Variants in CHD9 observed in about 807,000 individuals in gnomAD.
CHD9 encodes ATP-dependent chromatin remodeler CHD9.
In CHD9, 77 loss-of-function variants were observed where a neutral mutation model predicts 316.1. The observed-to-expected ratio is 0.24, with a 90% CI of 0.20 to 0.29. The LOEUF (loss-of-function observed/expected upper bound fraction) is 0.29, where lower values mean the gene tolerates loss of function less well. Ranked by LOEUF, CHD9 falls within the 10% of genes least tolerant of loss-of-function variation. The probability of loss-of-function intolerance (pLI) is 1.00; values close to 1 mark genes in which losing one functional copy is unlikely to be tolerated. For synonymous variants in CHD9, 1,129 were observed against 1,158.3 expected (o/e 0.97, Z 0.51); for missense variants, 2,763 against 3,438.1 (o/e 0.80, Z 4.91).
intron 10 of CHD9, among the ~76,000 whole-genome samples, chr16:53,234,213 G>A (rs73599623): frequency 0.032 from 4,938 of 152,152 alleles, 100 homozygotes; most frequent in Middle Eastern, 0.075. Context: ...ATGCAACCTC[G>A]CTAAAATTAC....
chr16:53,226,483 C>G lies in CHD9; in HGVS notation c.2014C>G (p.Pro672Ala). The part of the protein sequence containing the change: ...MKIKKNSAPL[P>A]GEQPLQLFVE... Reference sequence around the variant, plus strand: ...AATAAAAAAGAATTCAGCTCCTTTACCTGGTGAACAGCCTTTACAATTGTT... The same window carrying G: ...AATAAAAAAGAATTCAGCTCCTTTAGCTGGTGAACAGCCTTTACAATTGTT... The change falls in exon 5 of 39, where the codon CCT becomes GCT. Residue 672 changes from proline to alanine, a missense_variant. Pro to Ala is a conservative substitution (Grantham distance 27). Transcript: ENST00000447540. 1 of 1,605,608 alleles carries G rather than the reference C, an allele frequency of 6.2e-7. No homozygotes were observed. The highest frequency in any genetic ancestry group is 8.5e-7 in the Non-Finnish European group (1 of 1,177,936).
intron 1 of CHD9, among the ~76,000 whole-genome samples, chr16:53,130,663 T>C (rs1273467386): frequency 3.3e-5 from 5 of 151,280 alleles, no homozygotes; most frequent in Admixed American, 1.3e-4. Flanking sequence ...GCGCCAGCGA[T>C]TGGGTCGGCG....
chr16:53,226,291 C>A, intron 4 of CHD9, 75 bp from the exon 5 acceptor site: 2 of 1,032,662 alleles, frequency 1.9e-6, no homozygotes, highest in Non-Finnish European at 2.7e-6. Context: ...AAATTGCCAA[C>A]TCTAGGGGTA....
intron 1 of CHD9, among the ~76,000 whole-genome samples, chr16:53,064,625 C>T (rs540146181): frequency 6.6e-6 from 1 of 152,208 alleles, no homozygotes; most frequent in Admixed American, 6.5e-5. Flanking sequence ...CTGAAAGGGG[C>T]GGACTAACCA....
In CHD9 at chr16:53,212,142, C is replaced by A. The variant is rs898776651; in HGVS notation, c.1784+2329C>A. Among the ~76,000 whole-genome samples the A allele has an allele frequency of 1.2e-4, 19 of 152,146 alleles. 1 individual carries two copies. Among genetic ancestry groups the A allele is most frequent in the Admixed American group, 5.9e-4 (9 of 15,276 alleles). Reference sequence around the variant, plus strand: ...AATGGCTGGGCGCGGTGGCTCATGCCTGTAATCCCAGCACTTTGGGAGGCC... The same window carrying A: ...AATGGCTGGGCGCGGTGGCTCATGCATGTAATCCCAGCACTTTGGGAGGCC... On this transcript the variant is annotated intron_variant, in intron 3 of 38. Coordinates refer to ENST00000447540, the MANE Select transcript of CHD9 (RefSeq NM_001308319.2).
At chr16:53,310,888 AAT>A (rs1445802967) in intron 34 of CHD9, 4 of 148,858 alleles carry the variant, frequency 2.7e-5, no homozygotes, top group Admixed American at 2.0e-4. Context: ...TAATAATAAT[AAT>A]ATCAATAGTA....
Position 53,255,702 on chromosome 16 carries a change from G to A in CHD9, c.4132G>A (p.Asp1378Asn). The change falls in exon 19 of 39, where the codon GAT (aspartate) becomes AAT (asparagine). Residue 1378 changes from aspartate (D) to asparagine (N), a missense_variant. By Grantham distance (23) the Asp-to-Asn change is conservative. Transcript: ENST00000447540. ...EDEGSKFCEE[D>N]IDQILLRRTK... ...TGAAGGCTCTAAATTCTGCGAAGAGGATATCGATCAGATTTTACTACGTCG... is the reference window on the plus strand; with the variant it reads ...TGAAGGCTCTAAATTCTGCGAAGAGAATATCGATCAGATTTTACTACGTCG... 1 of 1,613,904 alleles carries A rather than the reference G, an allele frequency of 6.2e-7. No individual in the cohort carries two copies. Among genetic ancestry groups the A allele is most frequent in the Non-Finnish European group, 8.5e-7 (1 of 1,179,814 alleles).
At chr16:53,149,682 A>G (rs915284820) in intron 1 of CHD9, among the ~76,000 whole-genome samples, 2 of 150,244 alleles carry the variant, frequency 1.3e-5, no homozygotes, top group Non-Finnish European at 3.0e-5. Context: ...CCAGTTAGCT[A>G]GGACTATAGG....
intron 19 of CHD9, among the ~76,000 whole-genome samples, chr16:53,261,286 G>T (rs548126385): frequency 6.7e-6 from 1 of 149,966 alleles, no homozygotes; most frequent in East Asian, 2.0e-4. Context: ...TTTATTACCT[G>T]GTAAGCAATA....
chr16:53,208,867 C>G (rs1260070037), intron 2 of CHD9, among the ~76,000 whole-genome samples: 1 of 151,968 alleles, frequency 6.6e-6, no homozygotes, highest in Non-Finnish European at 1.5e-5. Flanking sequence ...TCCCAAATTG[C>G]TTGAGCAAAA....
chr16:53,137,036 C>T (rs1282762502), intron 1 of CHD9, among the ~76,000 whole-genome samples: 1 of 151,468 alleles, frequency 6.6e-6, no homozygotes, highest in East Asian at 1.9e-4. Flanking sequence ...TGCAGTGGTG[C>T]AATCTCGGCT....
intron 16 of CHD9, among the ~76,000 whole-genome samples, chr16:53,248,391 G>A (rs571353066): frequency 5.0e-4 from 76 of 151,290 alleles, no homozygotes; most frequent in African/African-American, 1.6e-3. Flanking sequence ...GCTAATTATC[G>A]TAGGATATTT....
chr16:53,226,401 A>C lies in CHD9; in HGVS notation c.1932A>C (p.Lys644Asn). 4.4e-6 allele frequency: 7 copies of C among 1,581,678 alleles called. No homozygotes were observed. Among genetic ancestry groups the C allele is most frequent in the Non-Finnish European group, 6.0e-6 (7 of 1,168,536 alleles). Reference sequence around the variant, plus strand: ...CAAATCGACAAATTAAAAGAAAAAAATACGCAGAAGATATAGAAGGGAAGC... The same window carrying C: ...CAAATCGACAAATTAAAAGAAAAAACTACGCAGAAGATATAGAAGGGAAGC... The part of the protein sequence containing the change: ...RRSNRQIKRK[K>N]YAEDIEGKQS... The change falls in exon 5 of 39, where the codon AAA (lysine) becomes AAC (asparagine). Residue 644 changes from lysine to asparagine, a missense_variant. Around this residue, in one of 15 missense-constraint regions of CHD9, gnomAD observed 859 missense variants for 890.4 expected, o/e 0.96. Transcript: ENST00000447540.
chr16:53,257,344 A>G (rs1249093017), intron 19 of CHD9, among the ~76,000 whole-genome samples: 2 of 152,216 alleles, frequency 1.3e-5, no homozygotes, highest in Non-Finnish European at 1.5e-5. Flanking sequence ...TTAAGCTTTT[A>G]AAGTCCTTCA....
intron 2 of CHD9, among the ~76,000 whole-genome samples, chr16:53,187,278 C>G (rs1432173573): frequency 6.6e-6 from 1 of 152,068 alleles, no homozygotes; most frequent in East Asian, 1.9e-4. Flanking sequence ...GAGACTGAGG[C>G]AGGAAGATCA....
intron 1 of CHD9, among the ~76,000 whole-genome samples, chr16:53,144,202 T>G (rs1174223905): frequency 6.6e-6 from 1 of 152,160 alleles, no homozygotes; most frequent in East Asian, 1.9e-4. Flanking sequence ...AGTGGTGGTG[T>G]TTTAACTATT....
chr16:53,271,395 C>T (rs371473364), intron 22 of CHD9, among the ~76,000 whole-genome samples: 51 of 151,794 alleles, frequency 3.4e-4, no homozygotes, highest in East Asian at 2.1e-3. Context: ...ATGGTGAAAC[C>T]CCGTCTCTAC....
intron 1 of CHD9, among the ~76,000 whole-genome samples, chr16:53,083,358 T>C (rs924405331): frequency 3.3e-5 from 5 of 152,190 alleles, no homozygotes; most frequent in Non-Finnish European, 7.3e-5. Context: ...CTTCCACTCA[T>C]CTTTCTCATT....
chr16:53,278,175 C>T (rs1352884402), intron 24 of CHD9, among the ~76,000 whole-genome samples: 10 of 152,072 alleles, frequency 6.6e-5, no homozygotes. Context: ...TGAAAATGGC[C>T]ATACTGCCAA....
Sources: gnomAD v4.1 joint callset for allele counts (sites outside exome capture counted in the v4.1 genomes callset) on GRCh38, gnomAD v4.1.1 for gene constraint, gnomAD v4.1.1 regional missense constraint, MANE v1.5 for transcripts, NCBI Gene and HGNC (gene_info 2026-07-23, HGNC 2026-07-21) for gene names.